ARHGAP15: variants seen among roughly 807,000 people sequenced by gnomAD.
The protein encoded by ARHGAP15 is rho GTPase-activating protein 15.
A neutral mutation model predicts 63.7 loss-of-function variants in ARHGAP15; 51 were observed. The ratio of observed to expected loss-of-function variants is 0.80; its 90% CI spans 0.64 to 1.01. ARHGAP15 has a LOEUF of 1.01. Ranked by LOEUF, ARHGAP15 falls within the 50% of genes least tolerant of loss-of-function variation. ARHGAP15 has a pLI of 0.00. For synonymous variants in ARHGAP15, 191 were observed against 193.8 expected (o/e 0.99, Z 0.12); for missense variants, 560 against 564.6 (o/e 0.99, Z 0.08).
rs1156822370 is a variant in ARHGAP15, at chr2:143,477,377, T to C, written c.704-9996T>C. Among the ~76,000 whole-genome samples the C allele has an allele frequency of 2.0e-5, 3 of 151,758 alleles. No homozygotes were observed. In the Admixed American group the frequency reaches 2.0e-4, roughly 10 times the overall value. On this transcript the variant is annotated intron_variant, in intron 8 of 13. Transcript: ENST00000295095. Reference sequence around the variant, plus strand: ...AATTTAATGATTATTACAGTGGTGATGATGATGCAGGATGCCTATCATATT... The same window carrying C: ...AATTTAATGATTATTACAGTGGTGACGATGATGCAGGATGCCTATCATATT...
intron 6 of ARHGAP15, among the ~76,000 whole-genome samples, chr2:143,273,283 A>T (rs1447367066): frequency 6.6e-6 from 1 of 152,182 alleles, no homozygotes; most frequent in Non-Finnish European, 1.5e-5. Context: ...GTTAAAAAAA[A>T]ATTCAACAAG....
chr2:143,234,326 G>A (rs1049980222), intron 5 of ARHGAP15, among the ~76,000 whole-genome samples: 1 of 152,124 alleles, frequency 6.6e-6, no homozygotes, highest in African/African-American at 2.4e-5. Flanking sequence ...ATTTGTGTCA[G>A]TATGTTTCTG....
At chr2:143,259,138 A>G (rs969418782) in intron 6 of ARHGAP15, among the ~76,000 whole-genome samples, 2 of 152,144 alleles carry the variant, frequency 1.3e-5, no homozygotes, top group Admixed American at 6.6e-5. Context: ...TTTGAAATCA[A>G]TTCATGGAAA....
chr2:143,393,371 T>G (rs1421827865), intron 6 of ARHGAP15, among the ~76,000 whole-genome samples: 2 of 152,174 alleles, frequency 1.3e-5, no homozygotes, highest in Non-Finnish European at 2.9e-5. Context: ...TATCCATAAT[T>G]TATCTTTTAG....
At chr2:143,282,199 T>C (rs1228079548) in intron 6 of ARHGAP15, among the ~76,000 whole-genome samples, 1 of 152,038 alleles carries the variant, frequency 6.6e-6, no homozygotes, top group Non-Finnish European at 1.5e-5. Flanking sequence ...CGTATGGAAG[T>C]TTCTCTATTA....
chr2:143,413,762 C>CT (rs1688544121), intron 6 of ARHGAP15, among the ~76,000 whole-genome samples: 1 of 152,180 alleles, frequency 6.6e-6, no homozygotes, highest in African/African-American at 2.4e-5. Flanking sequence ...GCATGAGCCA[C>CT]TTCAACCAGC....
At chr2:143,533,624 T>G (rs1294287311) in intron 10 of ARHGAP15, among the ~76,000 whole-genome samples, 1 of 152,202 alleles carries the variant, frequency 6.6e-6, no homozygotes, top group African/African-American at 2.4e-5. Flanking sequence ...TTGTTTTGTT[T>G]CATTTGATAA....
intron 6 of ARHGAP15, among the ~76,000 whole-genome samples, chr2:143,404,480 T>C (rs1688118131): frequency 6.6e-6 from 1 of 151,918 alleles, no homozygotes; most frequent in Non-Finnish European, 1.5e-5. Flanking sequence ...ATACAAAAAT[T>C]TATATTTTTT....
chr2:143,430,457 G>T (rs908363718), intron 6 of ARHGAP15, among the ~76,000 whole-genome samples: 1 of 152,000 alleles, frequency 6.6e-6, no homozygotes, highest in African/African-American at 2.4e-5. Flanking sequence ...ACACCTTTGA[G>T]ACCAAGTAAT....
intron 10 of ARHGAP15, among the ~76,000 whole-genome samples, chr2:143,522,983 A>G (rs867790970): frequency 6.6e-6 from 1 of 152,166 alleles, no homozygotes; most frequent in African/African-American, 2.4e-5. Flanking sequence ...AACAAAGTAT[A>G]TATTTTAAAC....
At chr2:143,276,803 A>T (rs187762469) in intron 6 of ARHGAP15, among the ~76,000 whole-genome samples, 1 of 152,118 alleles carries the variant, frequency 6.6e-6, no homozygotes, top group African/African-American at 2.4e-5. Flanking sequence ...TGTCTCTTAA[A>T]AAACAAAACA....
At chr2:143,231,088 T>TTA (rs1553451680) in intron 5 of ARHGAP15, among the ~76,000 whole-genome samples, 1 of 150,390 alleles carries the variant, frequency 6.6e-6, no homozygotes, top group Non-Finnish European at 1.5e-5. Context: ...TTTTTTTTTT[T>TTA]ACCACTCATT....
intron 11 of ARHGAP15, among the ~76,000 whole-genome samples, chr2:143,569,967 A>G (rs1696385389): frequency 6.6e-6 from 1 of 152,182 alleles, no homozygotes; most frequent in Non-Finnish European, 1.5e-5. Context: ...GTCAATTTTC[A>G]TGTCACCTCT....
chr2:143,317,043 T>C (rs181562098), intron 6 of ARHGAP15, among the ~76,000 whole-genome samples: 2 of 151,550 alleles, frequency 1.3e-5, no homozygotes, highest in African/African-American at 4.8e-5. Context: ...TGTCTATCCC[T>C]CTCTCTCTCT....
intron 12 of ARHGAP15, among the ~76,000 whole-genome samples, chr2:143,685,785 T>C (rs1683307497): frequency 6.6e-6 from 1 of 152,200 alleles, no homozygotes; most frequent in South Asian, 2.1e-4. Flanking sequence ...AAAGCCCACT[T>C]AATGTCTGCT....
At chr2:143,365,993 A>G (rs1021488138) in intron 6 of ARHGAP15, among the ~76,000 whole-genome samples, 2 of 152,152 alleles carry the variant, frequency 1.3e-5, no homozygotes, top group African/African-American at 2.4e-5. Flanking sequence ...TTCAGCTCCT[A>G]TATATTCTAA....
chr2:143,518,580 C>T (rs1358628506), intron 9 of ARHGAP15, among the ~76,000 whole-genome samples: 5 of 152,184 alleles, frequency 3.3e-5, no homozygotes, highest in African/African-American at 7.2e-5. Context: ...TGATGTGAAA[C>T]CATTTTGTTC....
intron 11 of ARHGAP15, among the ~76,000 whole-genome samples, chr2:143,580,417 G>C (rs1696850454): frequency 6.6e-6 from 1 of 152,018 alleles, no homozygotes; most frequent in Admixed American, 6.6e-5. Context: ...TTATGCTCCT[G>C]CAGACAAATA....
intron 9 of ARHGAP15, among the ~76,000 whole-genome samples, chr2:143,505,914 G>A (rs1340825224): frequency 1.3e-5 from 2 of 152,114 alleles, no homozygotes; most frequent in African/African-American, 4.8e-5. Flanking sequence ...TGCATACCTA[G>A]CACTCAGCAT....
Sources: allele counts gnomAD v4.1 joint callset (sites outside exome capture counted in the v4.1 genomes callset), GRCh38; gene constraint gnomAD v4.1.1; transcripts MANE v1.5; gene names NCBI Gene and HGNC (gene_info 2026-07-23, HGNC 2026-07-21).